The following GLG1 variants were observed in gnomAD, a reference collection of about 807,000 sequenced individuals.
The protein encoded by GLG1 is Golgi apparatus protein 1.
A neutral mutation model predicts 160.5 loss-of-function variants in GLG1; 38 were observed. The observed-to-expected ratio is 0.24, with a 90% CI of 0.18 to 0.31. The LOEUF is 0.31. Among genes scored for constraint, GLG1 ranks in the 10% least tolerant of loss-of-function variants. GLG1 has a pLI of 1.00. For missense variants in GLG1, 1,373 were observed against 1,505.2 expected (o/e 0.91, Z 1.45); for synonymous variants, 644 against 543.4 (o/e 1.19, Z -2.57).
chr16:74,508,811 T>C, intron 3 of GLG1, 28 bp downstream of exon 3: 2 of 913,128 alleles, frequency 2.2e-6, no homozygotes, highest in East Asian at 2.4e-5. Context: ...AAGCCATTAG[T>C]TGTCTACAAA....
intron 1 of GLG1, among the ~76,000 whole-genome samples, chr16:74,539,386 G>T (rs1273559222): frequency 2.0e-5 from 3 of 152,000 alleles, no homozygotes; most frequent in African/African-American, 7.3e-5. Context: ...TTTATCCCTG[G>T]TTCTTAAAAG....
At chr16:74,531,316 CTTTTA>C (rs1186417728) in intron 2 of GLG1, among the ~76,000 whole-genome samples, 1 of 151,962 alleles carries the variant, frequency 6.6e-6, no homozygotes, top group Non-Finnish European at 1.5e-5. Context: ...AGTGTCACCT[CTTTTA>C]TTTATTGATT....
intron 1 of GLG1, among the ~76,000 whole-genome samples, chr16:74,550,711 G>A (rs1039086670): frequency 1.3e-5 from 2 of 151,896 alleles, no homozygotes; most frequent in Non-Finnish European, 2.9e-5. Flanking sequence ...TCAAGAGGGG[G>A]ACAAGCTTGG....
In GLG1 at chr16:74,496,626, C is replaced by T. The variant is rs1232799666; in HGVS notation, c.793G>A (p.Glu265Lys). 6.2e-7 allele frequency: 1 copy of T among 1,610,958 alleles called. No homozygotes were observed. Among genetic ancestry groups the T allele is most frequent in the Non-Finnish European group, 8.5e-7 (1 of 1,177,334 alleles). ...LGEKDAHSQGEVVSCLEKGLV... is the reference protein window; with the variant it reads ...LGEKDAHSQGKVVSCLEKGLV... ...CCTTTCTCCAAGCATGATACCACCT[C>T]ACCTTGTGAATGTGCATCCTAAAAT... Residue 265 changes from glutamate to lysine, a missense_variant, in exon 5 of 26, where the codon GAG (glutamate) becomes AAG (lysine). By Grantham distance (56) the Glu-to-Lys change is moderately conservative (BLOSUM62 1). This residue lies in a region of GLG1 where 174 missense variants were observed against 229.9 expected (regional missense o/e 0.76). Transcript: ENST00000422840.
rs2015139670 is a variant in GLG1, at chr16:74,470,029, G to C, written c.2274C>G (p.Ala758=). The part of the protein sequence containing the change: ...DFRFSYKFKM[A]CKEDVLKLCP... ...AAAGCTTCAACACGTCCTCCTTGCA[G>C]GCCATTTTAAACTTGTAAGAAAACC... The change falls in exon 16 of 26, where the codon GCC becomes GCG. Residue 758 remains alanine (A), a synonymous_variant. Coordinates refer to ENST00000422840, the MANE Select transcript of GLG1 (RefSeq NM_001145667.2). 2 of 1,610,300 alleles carry C rather than the reference G, an allele frequency of 1.2e-6. No individual in the cohort carries two copies. Among genetic ancestry groups the C allele is most frequent in the African/African-American group, 2.7e-5 (2 of 74,966 alleles).
chr16:74,459,926 G>C, intron 22 of GLG1, 137 bp from the exon 23 acceptor site: 1 of 505,718 alleles, frequency 2.0e-6, no homozygotes, highest in South Asian at 3.2e-5. Flanking sequence ...TGCGATCTCG[G>C]CTCACTGCAA....
intron 20 of GLG1, chr16:74,462,849 A>G: frequency 5.3e-6 from 3 of 567,782 alleles, no homozygotes; most frequent in South Asian, 2.1e-5. Flanking sequence ...GAATCTTTCT[A>G]CTCTGCGGGG....
chr16:74,586,028 A>G (rs1049856363), intron 1 of GLG1, among the ~76,000 whole-genome samples: 1 of 149,238 alleles, frequency 6.7e-6, no homozygotes, highest in African/African-American at 2.5e-5. Context: ...ACACCACTGC[A>G]CTCTAGCCTG....
intron 4 of GLG1, among the ~76,000 whole-genome samples, chr16:74,498,123 C>A (rs900865769): frequency 2.0e-5 from 3 of 151,670 alleles, no homozygotes; most frequent in African/African-American, 4.8e-5. Flanking sequence ...ATATAGCAAA[C>A]CAAAGCATCT....
intron 1 of GLG1, among the ~76,000 whole-genome samples, chr16:74,592,028 G>A (rs993754794): frequency 6.6e-6 from 1 of 152,122 alleles, no homozygotes; most frequent in African/African-American, 2.4e-5. Context: ...GTAGAGTTGG[G>A]CTCTCACCGT....
chr16:74,497,330 G>T (rs2016230936), intron 4 of GLG1, among the ~76,000 whole-genome samples: 1 of 150,148 alleles, frequency 6.7e-6, no homozygotes. Context: ...AACCACATCG[G>T]CTCAAAGTTC....
intron 12 of GLG1, among the ~76,000 whole-genome samples, chr16:74,476,197 G>C (rs2015385893): frequency 6.6e-6 from 1 of 151,638 alleles, no homozygotes; most frequent in Non-Finnish European, 1.5e-5. Context: ...AAAAAAAAAA[G>C]AATTCTTAAG....
At chr16:74,600,799 C>G (rs929417299) in intron 1 of GLG1, among the ~76,000 whole-genome samples, 1 of 151,198 alleles carries the variant, frequency 6.6e-6, no homozygotes, top group South Asian at 2.1e-4. Context: ...AATAGCAGAG[C>G]TGTGTTCCAC....
chr16:74,454,509 T>C (rs889098968), intron 25 of GLG1, among the ~76,000 whole-genome samples: 8 of 150,620 alleles, frequency 5.3e-5, no homozygotes, highest in African/African-American at 1.9e-4. Context: ...CTACTAAAAA[T>C]ACAAAAGTTA....
In GLG1 at chr16:74,606,785, C is replaced by T. The variant is rs571035117; in HGVS notation, c.310G>A (p.Ala104Thr). ...AGCTTCCAGCCCCCACCAGCCCCCG[C>T]TCCTCCCCGCCGGGCCGGAGGCCCA... ...AGGPPARRGG[A>T]GAGGGWKLAE... is the part of the protein sequence containing the mutation. The change falls in exon 1 of 26, where the codon GCG (alanine) becomes ACG (threonine). Residue 104 changes from alanine to threonine, a missense_variant. Coordinates refer to ENST00000422840, the MANE Select transcript of GLG1 (RefSeq NM_001145667.2). The T allele has an allele frequency of 2.5e-6, 4 of 1,606,478 alleles. No homozygotes were observed. Among genetic ancestry groups the T allele is most frequent in the African/African-American group, 1.3e-5 (1 of 74,932 alleles).
At chr16:74,464,556 T>C (rs1364960297) in intron 19 of GLG1, among the ~76,000 whole-genome samples, 1 of 152,192 alleles carries the variant, frequency 6.6e-6, no homozygotes, top group African/African-American at 2.4e-5. Context: ...CTCTTCCTAG[T>C]TCTGTTTCTA....
At chr16:74,563,799 T>C (rs2143749763) in intron 1 of GLG1, among the ~76,000 whole-genome samples, 1 of 152,212 alleles carries the variant, frequency 6.6e-6, no homozygotes, top group Non-Finnish European at 1.5e-5. Flanking sequence ...TAGCAGATTC[T>C]ACTGCAAAGG....
intron 1 of GLG1, among the ~76,000 whole-genome samples, chr16:74,591,848 T>C (rs954408433): frequency 1.3e-5 from 2 of 152,190 alleles, no homozygotes; most frequent in African/African-American, 4.8e-5. Context: ...TCTGGTTTTA[T>C]ACAGGGAAAA....
intron 1 of GLG1, among the ~76,000 whole-genome samples, chr16:74,537,541 G>A: frequency 7.1e-6 from 1 of 140,328 alleles, no homozygotes; most frequent in Non-Finnish European, 1.5e-5. Context: ...GAGATATCCT[G>A]AAATTGAACG....
Sources: gnomAD v4.1 joint callset for allele counts (sites outside exome capture counted in the v4.1 genomes callset) on GRCh38, gnomAD v4.1.1 for gene constraint, gnomAD v4.1.1 regional missense constraint, MANE v1.5 for transcripts, NCBI Gene and HGNC (gene_info 2026-07-23, HGNC 2026-07-21) for gene names.